ZDHHC14: variants seen among roughly 807,000 people sequenced by gnomAD.
ZDHHC14 encodes the protein zDHHC palmitoyltransferase 14.
Under a neutral mutation model 47.7 loss-of-function variants are expected in ZDHHC14, and 16 were observed. The ratio of observed to expected loss-of-function variants is 0.34; its 90% CI spans 0.23 to 0.51. The LOEUF is 0.51. Ranked by LOEUF, ZDHHC14 falls within the 20% of genes least tolerant of loss-of-function variation. The pLI, the probability that ZDHHC14 is intolerant of heterozygous loss-of-function variation, is 0.97. For missense variants in ZDHHC14, 515 were observed against 662.5 expected (o/e 0.78, Z 2.44); for synonymous variants, 293 against 278.9 (o/e 1.05, Z -0.50).
At chr6:157,598,994 T>C (rs1196961035) in intron 3 of ZDHHC14, among the ~76,000 whole-genome samples, 1 of 152,232 alleles carries the variant, frequency 6.6e-6, no homozygotes, top group African/African-American at 2.4e-5. Flanking sequence ...AAAAAAACTT[T>C]AAAAAACTTT....
At chr6:157,540,910 G>GTGTGTGTATATATATATATA (rs1284429244) in intron 1 of ZDHHC14, among the ~76,000 whole-genome samples, 10 of 122,976 alleles carry the variant, frequency 8.1e-5, no homozygotes, top group African/African-American at 4.3e-4. Flanking sequence ...GTGTGTGTGT[G>GTGTGTGTATATATATATATA]TATATATATA....
At chr6:157,597,385 C>G (rs948404178) in intron 3 of ZDHHC14, among the ~76,000 whole-genome samples, 1 of 152,192 alleles carries the variant, frequency 6.6e-6, no homozygotes, top group Non-Finnish European at 1.5e-5. Flanking sequence ...TTTGGTGGGC[C>G]CTAGTCCAGC....
intron 3 of ZDHHC14, among the ~76,000 whole-genome samples, chr6:157,607,173 G>GC (rs1204075639): frequency 6.6e-6 from 1 of 152,128 alleles, no homozygotes; most frequent in Non-Finnish European, 1.5e-5. Context: ...GGGTTCACGG[G>GC]CCTCAGCGGA....
intron 1 of ZDHHC14, among the ~76,000 whole-genome samples, chr6:157,507,097 T>C (rs1231260799): frequency 6.6e-6 from 1 of 152,170 alleles, no homozygotes; most frequent in Non-Finnish European, 1.5e-5. Flanking sequence ...ACATTATCTG[T>C]GTACTTTTTA....
chr6:157,473,139 A>G (rs1468535878), intron 1 of ZDHHC14, among the ~76,000 whole-genome samples: 1 of 152,232 alleles, frequency 6.6e-6, no homozygotes, highest in African/African-American at 2.4e-5. Context: ...CACATATATT[A>G]GCTCACATAC....
chr6:157,395,491 C>G (rs1777503205), intron 1 of ZDHHC14, among the ~76,000 whole-genome samples: 1 of 151,994 alleles, frequency 6.6e-6, no homozygotes, highest in Admixed American at 6.6e-5. Context: ...TTCCTTCACT[C>G]TAGCCTTAAA....
At chr6:157,491,638 C>T (rs914320540) in intron 1 of ZDHHC14, among the ~76,000 whole-genome samples, 3 of 152,220 alleles carry the variant, frequency 2.0e-5, no homozygotes, top group African/African-American at 7.2e-5. Flanking sequence ...ATTTGTTAAA[C>T]TCAGAAGCAA....
chr6:157,662,824 A>T (rs1778402793), intron 8 of ZDHHC14, among the ~76,000 whole-genome samples: 1 of 152,260 alleles, frequency 6.6e-6, no homozygotes, highest in South Asian at 2.1e-4. Context: ...ACTATAAAAA[A>T]TTTTAAGACC....
At position 157,675,333 on chromosome 6, in the gene ZDHHC14, GAAAA is replaced by G; in HGVS notation, c.*2213_*2216del. On this transcript the variant is annotated 3_prime_UTR_variant, in exon 9 of 9. Transcript: ENST00000359775. ...CCAGCCCTTCTTCCCACCTCACTGTGAAAAATTCCCAGAAGCCAGGATCACGACT... is the reference window on the plus strand; with the variant it reads ...CCAGCCCTTCTTCCCACCTCACTGTGATTCCCAGAAGCCAGGATCACGACT... 2 of 152,282 alleles carry G rather than the reference GAAAA, an allele frequency of 1.3e-5. No individual in the cohort carries two copies. Among genetic ancestry groups the G allele is most frequent in the Admixed American group, 1.3e-4 (2 of 15,296 alleles). The allele number at this position is 152,282 out of a possible 1,614,324, so 9.4% of individuals were successfully genotyped here.
At chr6:157,657,700 G>A (rs895331513) in intron 8 of ZDHHC14, among the ~76,000 whole-genome samples, 10 of 152,174 alleles carry the variant, frequency 6.6e-5, no homozygotes, top group Admixed American at 1.3e-4. Context: ...GCACTACTCC[G>A]GATTTGGTAA....
intron 1 of ZDHHC14, among the ~76,000 whole-genome samples, chr6:157,493,829 G>A (rs1779988874): frequency 6.6e-6 from 1 of 152,268 alleles, no homozygotes; most frequent in South Asian, 2.1e-4. Context: ...CCTTGGCTGT[G>A]GAGCATTGGG....
chr6:157,384,917 A>G (rs1263282906), intron 1 of ZDHHC14, among the ~76,000 whole-genome samples: 1 of 152,080 alleles, frequency 6.6e-6, no homozygotes, highest in African/African-American at 2.4e-5. Context: ...TGATTGTTTA[A>G]TTTCATGTCT....
At chr6:157,539,192 TCGA>T (rs1204234633) in intron 1 of ZDHHC14, among the ~76,000 whole-genome samples, 1 of 151,980 alleles carries the variant, frequency 6.6e-6, no homozygotes, top group Non-Finnish European at 1.5e-5. Context: ...GGAGGATTAC[TCGA>T]GCCCAGGAGT....
At chr6:157,580,700 G>GT (rs767526293) in intron 2 of ZDHHC14, among the ~76,000 whole-genome samples, 1 of 137,310 alleles carries the variant, frequency 7.3e-6, no homozygotes, top group Non-Finnish European at 1.5e-5. Flanking sequence ...TACTGTCTGG[G>GT]TTTTTTGTGT....
chr6:157,433,007 G>A (rs530074439), intron 1 of ZDHHC14, among the ~76,000 whole-genome samples: 4 of 152,380 alleles, frequency 2.6e-5, no homozygotes, highest in Non-Finnish European at 2.9e-5. Context: ...GGCGTGGGGC[G>A]GCTCTGCTGC....
chr6:157,445,164 T>A (rs947247939), intron 1 of ZDHHC14, among the ~76,000 whole-genome samples: 1 of 142,650 alleles, frequency 7.0e-6, no homozygotes, highest in Admixed American at 6.8e-5. Flanking sequence ...TCTATCTATC[T>A]ATCATCATCA....
chr6:157,541,759 A>T (rs1290537467), intron 1 of ZDHHC14, among the ~76,000 whole-genome samples: 3 of 149,232 alleles, frequency 2.0e-5, no homozygotes, highest in African/African-American at 7.4e-5. Context: ...TGGATCTGAG[A>T]CCAAATGTCA....
chr6:157,548,295 T>C (rs1782068122), intron 2 of ZDHHC14, among the ~76,000 whole-genome samples: 1 of 152,212 alleles, frequency 6.6e-6, no homozygotes, highest in African/African-American at 2.4e-5. Flanking sequence ...CAGTGGCCCT[T>C]TCAGCCTCTC....
intron 1 of ZDHHC14, among the ~76,000 whole-genome samples, chr6:157,506,854 A>T (rs1780338027): frequency 6.6e-6 from 1 of 152,200 alleles, no homozygotes; most frequent in South Asian, 2.1e-4. Flanking sequence ...CATGTCCTTC[A>T]ACTCAGAGTG....
Sources: gnomAD v4.1 joint callset for allele counts (sites outside exome capture counted in the v4.1 genomes callset) on GRCh38, gnomAD v4.1.1 for gene constraint, MANE v1.5 for transcripts, NCBI Gene and HGNC (gene_info 2026-07-23, HGNC 2026-07-21) for gene names.